Variants in CDK17 observed in about 807,000 individuals in gnomAD.
CDK17 encodes cyclin-dependent kinase 17.
A neutral mutation model predicts 77.6 loss-of-function variants in CDK17; 24 were observed. The ratio of observed to expected loss-of-function variants is 0.31; its 90% CI spans 0.22 to 0.44. CDK17 has a LOEUF of 0.44. Among genes scored for constraint, CDK17 ranks in the 20% least tolerant of loss-of-function variants. CDK17 has a pLI of 1.00. For synonymous variants in CDK17, 203 were observed against 210.4 expected (o/e 0.96, Z 0.30); for missense variants, 429 against 622.5 (o/e 0.69, Z 3.31).
chr12:96,329,191 G>C lies in CDK17; in HGVS notation c.119-5079C>G, dbSNP rs73366526. ...TGGGTACAGAGTTTCAGTTTGGGAT[G>C]ATGAAAAAGTTATAGACATGGGTAG... On this transcript the variant is annotated intron_variant, in intron 2 of 16. Transcript: ENST00000261211. Among the ~76,000 whole-genome samples the C allele has an allele frequency of 6.7e-3, 1,017 of 152,146 alleles. 12 individuals are homozygous for C. The highest frequency in any genetic ancestry group is 0.022 in the African/African-American group (923 of 41,532).
At chr12:96,348,188 T>C (rs893897167) in intron 1 of CDK17, among the ~76,000 whole-genome samples, 2 of 151,358 alleles carry the variant, frequency 1.3e-5, no homozygotes, top group Non-Finnish European at 2.9e-5. Flanking sequence ...AAAGTCCAAA[T>C]TGGAGATAAA....
At chr12:96,389,614 C>T (rs1276557650) in intron 1 of CDK17, among the ~76,000 whole-genome samples, 1 of 152,034 alleles carries the variant, frequency 6.6e-6, no homozygotes, top group Non-Finnish European at 1.5e-5. Flanking sequence ...GGTTAATAAA[C>T]CATGATCTCA....
chr12:96,307,511 C>A (rs1952591196), intron 5 of CDK17, among the ~76,000 whole-genome samples: 1 of 152,154 alleles, frequency 6.6e-6, no homozygotes, highest in Admixed American at 6.5e-5. Flanking sequence ...AAGTACCAAT[C>A]TTTGATAAAA....
intron 10 of CDK17, among the ~76,000 whole-genome samples, chr12:96,291,821 G>A (rs1333834592): frequency 6.6e-6 from 1 of 151,982 alleles, no homozygotes; most frequent in Non-Finnish European, 1.5e-5. Flanking sequence ...GTTTCACCAT[G>A]TTGGTCAGGC....
At chr12:96,315,766 G>A (rs891086325) in intron 3 of CDK17, among the ~76,000 whole-genome samples, 5 of 152,166 alleles carry the variant, frequency 3.3e-5, no homozygotes, top group Non-Finnish European at 5.9e-5. Flanking sequence ...GACTCTATCA[G>A]TGTCTTAGGA....
chr12:96,370,571 T>C (rs1424918473), intron 1 of CDK17, among the ~76,000 whole-genome samples: 1 of 152,190 alleles, frequency 6.6e-6, no homozygotes, highest in Non-Finnish European at 1.5e-5. Context: ...CTGGGGAACC[T>C]TTATGGGAGC....
At position 96,279,372 on chromosome 12, in the gene CDK17, A is replaced by G. The variant is rs1468209326; in HGVS notation, c.*870T>C. On this transcript the variant is annotated 3_prime_UTR_variant, in exon 17 of 17. Coordinates refer to ENST00000261211, the MANE Select transcript of CDK17 (RefSeq NM_002595.5). Reference sequence around the variant, plus strand: ...AATGAAATATCATCCTTTCTAATAAAATAAATGTATTTAAAACAAACAAAG... The same window carrying G: ...AATGAAATATCATCCTTTCTAATAAGATAAATGTATTTAAAACAAACAAAG... 1 of 152,134 alleles carries G rather than the reference A, an allele frequency of 6.6e-6. No individual in the cohort carries two copies. Among genetic ancestry groups the G allele is most frequent in the East Asian group, 1.9e-4 (1 of 5,206 alleles). 9.4% of individuals were successfully genotyped at this position (152,134 alleles called of 1,614,324 possible). A position where few individuals can be genotyped will look rare whatever the true frequency, so the allele number is the denominator to read the frequency against.
intron 1 of CDK17, among the ~76,000 whole-genome samples, chr12:96,353,673 G>A (rs1260232952): frequency 6.6e-6 from 1 of 151,890 alleles, no homozygotes; most frequent in Non-Finnish European, 1.5e-5. Flanking sequence ...TGGGCTTTCT[G>A]AAAGGGTCTC....
intron 1 of CDK17, among the ~76,000 whole-genome samples, chr12:96,352,231 G>T (rs575429767): frequency 6.6e-6 from 1 of 152,134 alleles, no homozygotes; most frequent in African/African-American, 2.4e-5. Context: ...AAGGTGAGGC[G>T]ATGGGACCAC....
At position 96,400,314 on chromosome 12, in the gene CDK17, C is replaced by CT; in HGVS notation, c.-359dup. On this transcript the variant is annotated 5_prime_UTR_variant, in exon 1 of 17. Coordinates refer to ENST00000261211, the MANE Select transcript of CDK17 (RefSeq NM_002595.5). Reference sequence around the variant, plus strand: ...GGCGGGCGCCGACGGCGGGCTGAGACTGTCTGGCCGGGCGCTGGCTCCTTC... The same window carrying CT: ...GGCGGGCGCCGACGGCGGGCTGAGACTTGTCTGGCCGGGCGCTGGCTCCTTC... 1 of 389,058 alleles carries CT rather than the reference C, an allele frequency of 2.6e-6. No individual in the cohort carries two copies. Among genetic ancestry groups the CT allele is most frequent in the Non-Finnish European group, 4.5e-6 (1 of 219,882 alleles). The allele number at this position is 389,058 out of a possible 1,614,324, so 24.1% of individuals were successfully genotyped here. A position where few individuals can be genotyped will look rare whatever the true frequency, so the allele number is the denominator to read the frequency against.
At chr12:96,347,480 T>C (rs555739885) in intron 1 of CDK17, among the ~76,000 whole-genome samples, 19 of 150,368 alleles carry the variant, frequency 1.3e-4, no homozygotes, top group Non-Finnish European at 2.2e-4. Flanking sequence ...GACAGGAGAA[T>C]TGCTTGAAGT....
chr12:96,370,382 G>A (rs1023260897), intron 1 of CDK17, among the ~76,000 whole-genome samples: 3 of 152,160 alleles, frequency 2.0e-5, no homozygotes, highest in African/African-American at 7.2e-5. Flanking sequence ...CAAAGCCTAT[G>A]GCTCCAACTA....
chr12:96,301,082 G>T (rs1213124289), intron 5 of CDK17, among the ~76,000 whole-genome samples: 2 of 151,846 alleles, frequency 1.3e-5, no homozygotes, highest in African/African-American at 4.8e-5. Context: ...TCCCAAGGAA[G>T]TCCTGCAAAC....
intron 5 of CDK17, among the ~76,000 whole-genome samples, chr12:96,305,058 A>G (rs1420464184): frequency 2.0e-5 from 3 of 152,218 alleles, no homozygotes. Context: ...GTCTCACAAA[A>G]CTTCCACTGG....
intron 1 of CDK17, among the ~76,000 whole-genome samples, chr12:96,352,392 G>C (rs76904005): frequency 7.0e-6 from 1 of 142,224 alleles, no homozygotes; most frequent in East Asian, 2.0e-4. Context: ...TAGAGAGAGA[G>C]AAAAAAAAAA....
At chr12:96,367,237 C>T (rs953417422) in intron 1 of CDK17, among the ~76,000 whole-genome samples, 9 of 148,380 alleles carry the variant, frequency 6.1e-5, no homozygotes, top group East Asian at 2.0e-4. Flanking sequence ...CCCAGCTACT[C>T]GGCAGGCTGA....
At chr12:96,390,415 T>TA (rs1954048271) in intron 1 of CDK17, among the ~76,000 whole-genome samples, 1 of 148,258 alleles carries the variant, frequency 6.7e-6, no homozygotes. Context: ...ACAGGCATTT[T>TA]AAAAAAGCCT....
chr12:96,347,079 ATATAT>A (rs1377597204), intron 1 of CDK17, among the ~76,000 whole-genome samples: 3 of 152,226 alleles, frequency 2.0e-5, no homozygotes, highest in Admixed American at 6.5e-5. Context: ...GAAGGCCATC[ATATAT>A]TATAAGGGGT....
At chr12:96,293,450 T>G (rs949331888) in intron 10 of CDK17, among the ~76,000 whole-genome samples, 4 of 152,144 alleles carry the variant, frequency 2.6e-5, no homozygotes, top group African/African-American at 9.7e-5. Flanking sequence ...AGATCAAATA[T>G]ACATATCACA....
Sources: allele counts gnomAD v4.1 joint callset (sites outside exome capture counted in the v4.1 genomes callset), GRCh38; gene constraint gnomAD v4.1.1; transcripts MANE v1.5; gene names NCBI Gene and HGNC (gene_info 2026-07-23, HGNC 2026-07-21).